The following TLE3 variants were observed in gnomAD, a reference collection of about 807,000 sequenced individuals.
The protein encoded by TLE3 is TLE family member 3, transcriptional corepressor, also known as transducin-like enhancer protein 3.
A neutral mutation model predicts 93.0 loss-of-function variants in TLE3; 14 were observed. The ratio of observed to expected loss-of-function variants is 0.15; its 90% CI spans 0.10 to 0.24. The LOEUF (loss-of-function observed/expected upper bound fraction) is 0.24. TLE3 is among the 10% of genes least tolerant of loss of function. The probability of loss-of-function intolerance (pLI) is 1.00; values close to 1 mark genes in which losing one functional copy is unlikely to be tolerated. For synonymous variants in TLE3, 451 were observed against 425.0 expected, an observed-to-expected ratio of 1.06 and a Z score of -0.75; for missense variants, 693 against 1,046.6, an observed-to-expected ratio of 0.66 and a Z score of 4.66.
At chr15:70,066,828 AG>A (rs1468963681) in intron 6 of TLE3, 1 of 240,310 alleles carries the variant, frequency 4.2e-6, no homozygotes, top group African/African-American at 2.3e-5. Flanking sequence ...TAACTGGAAG[AG>A]TGGAGGCTTT....
intron 12 of TLE3, chr15:70,057,943 TG>T: frequency 1.2e-6 from 1 of 829,996 alleles, no homozygotes; most frequent in South Asian, 1.8e-5. Context: ...TTGGGAGCCC[TG>T]ACCCGTCTGA....
chr15:70,097,087 C>G lies in TLE3; in HGVS notation c.-289G>C. 2.1e-6 allele frequency: 1 copy of G among 483,498 alleles called. No individual in the cohort carries two copies. Among genetic ancestry groups the G allele is most frequent in the South Asian group, 3.7e-5 (1 of 26,796 alleles). 30.0% of individuals were successfully genotyped at this position (483,498 alleles called of 1,614,324 possible). A position where few individuals can be genotyped will look rare whatever the true frequency, so the allele number is the denominator to read the frequency against. The stretch of plus-strand genomic sequence containing the variant: ...TCGGCGGGCAGCGGCCGGCCGCCTT[C>G]CCTGGGCTGCGTCGAGCGCGTCAAT... On this transcript the variant is annotated 5_prime_UTR_variant, in exon 1 of 20. Transcript: ENST00000451782.
At chr15:70,072,133 TG>T (rs1260731370) in intron 6 of TLE3, among the ~76,000 whole-genome samples, 4 of 152,040 alleles carry the variant, frequency 2.6e-5, no homozygotes, top group Non-Finnish European at 5.9e-5. Flanking sequence ...ACCTTGAAAA[TG>T]GGGGTCACAG....
chr15:70,096,246 C>A lies in TLE3; in HGVS notation c.40G>T (p.Gly14Trp). The A allele has an allele frequency of 6.5e-7, 1 of 1,541,908 alleles. No individual in the cohort carries two copies. Residue 14 changes from glycine (G) to tryptophan (W), a missense_variant, in exon 2 of 20, where the codon GGG becomes TGG. Gly to Trp is a radical substitution (Grantham distance 184). Transcript: ENST00000451782. ...ACCGTGAATTTAAATCCCGGCTGCC[C>A]GGGTTGATGGGGAGCCTGGAGCCCG... ...QGRHPAPHQPGQPGFKFTVAE... is the reference protein window; with the variant it reads ...QGRHPAPHQPWQPGFKFTVAE...
chr15:70,057,780 A>G (rs72749654), intron 12 of TLE3, 122 bp from the exon 13 acceptor site: 15,375 of 1,243,032 alleles, frequency 0.012, 121 homozygotes, highest in Middle Eastern at 0.031. Flanking sequence ...GTCCTCTCAG[A>G]CTGAACCCAC....
chr15:70,058,567 T>A lies in TLE3; in HGVS notation c.918+96A>T. On this transcript the variant is annotated intron_variant, in intron 11 of 19. Coordinates refer to ENST00000451782, the MANE Select transcript of TLE3 (RefSeq NM_001105192.3). This position sits in a 1 kb window ranked among gnomAD's most constrained non-coding sequence, Gnocchi z 4.1. ...AACCGGGGCCAATCACCCACCCAGC[T>A]TCTCCCACTCCACCCCTCTGCCTGC... 1 of 1,467,286 alleles carries A rather than the reference T, an allele frequency of 6.8e-7. No homozygotes were observed. Among genetic ancestry groups the A allele is most frequent in the Non-Finnish European group, 9.0e-7 (1 of 1,106,624 alleles). The allele number at this position is 1,467,286 out of a possible 1,614,324, so 90.9% of individuals were successfully genotyped here.
chr15:70,057,314 T>A, intron 13 of TLE3, 145 bp downstream of exon 13: 4 of 979,846 alleles, frequency 4.1e-6, no homozygotes, highest in Non-Finnish European at 5.9e-6. Context: ...AAGTCTCAAT[T>A]GTTTCCGATA....
Position 70,096,992 on chromosome 15 carries a change from G to A in TLE3, c.-194C>T. Reference sequence around the variant, plus strand: ...GCCCCAAGTGGAGACAAAGAGCCGCGGAGCAGGCGGCAAAGTCGTCGGCGG... The same window carrying A: ...GCCCCAAGTGGAGACAAAGAGCCGCAGAGCAGGCGGCAAAGTCGTCGGCGG... On this transcript the variant is annotated 5_prime_UTR_variant, in exon 1 of 20. Coordinates refer to ENST00000451782, the MANE Select transcript of TLE3 (RefSeq NM_001105192.3). The A allele has an allele frequency of 1.6e-6, 1 of 644,162 alleles. No homozygotes were observed. The highest frequency in any genetic ancestry group is 2.0e-5 in the African/African-American group (1 of 50,780). The allele number at this position is 644,162 out of a possible 1,614,324, so 39.9% of individuals were successfully genotyped here.
chr15:70,052,416 G>A lies in TLE3; in HGVS notation c.2083C>T (p.Leu695=), dbSNP rs2055630653. The part of the protein sequence containing the change: ...HTKPDKYQLH[L]HESCVLSLKF... ...AGGGAGAGCACGCAGCTCTCGTGCA[G>A]GTGCAGCTGGTACTTGTCAGGCTTG... Residue 695 remains leucine, a synonymous_variant, in exon 18 of 20, where the codon CTG becomes TTG. Transcript: ENST00000451782. The A allele has an allele frequency of 1.1e-5, 17 of 1,614,036 alleles. No individual in the cohort carries two copies. Among genetic ancestry groups the A allele is most frequent in the Non-Finnish European group, 1.4e-5 (17 of 1,179,936 alleles).
chr15:70,097,814 A>C lies in TLE3; in HGVS notation c.-1016T>G. The C allele has an allele frequency of 6.7e-6, 1 of 149,754 alleles. No individual in the cohort carries two copies. The highest frequency in any genetic ancestry group is 1.1e-5 in the Non-Finnish European group (1 of 94,252). 9.3% of individuals were successfully genotyped at this position (149,754 alleles called of 1,614,324 possible). On this transcript the variant is annotated 5_prime_UTR_variant, in exon 1 of 20. Transcript: ENST00000451782. ...CACGCGCGCACGCACACACACACAC[A>C]CCAAAAAAAAAAGTGCCCCGGACCT...
In TLE3 at chr15:70,072,955, G is replaced by A. The variant is rs141198847; in HGVS notation, c.372+1578C>T. ...CTTCCAGCACTGAACACTTCTTCACGTTCCAGTTTCAAGACTCCTCTCTGC... is the reference window on the plus strand; with the variant it reads ...CTTCCAGCACTGAACACTTCTTCACATTCCAGTTTCAAGACTCCTCTCTGC... On this transcript the variant is annotated intron_variant, in intron 6 of 19. Transcript: ENST00000451782. Among the ~76,000 whole-genome samples the A allele has an allele frequency of 3.9e-5, 6 of 152,232 alleles. No individual in the cohort carries two copies. In the East Asian group the frequency reaches 9.7e-4, roughly 25 times the overall value.
chr15:70,094,148 G>A (rs540223188), intron 4 of TLE3, among the ~76,000 whole-genome samples: 66 of 151,132 alleles, frequency 4.4e-4, no homozygotes, highest in African/African-American at 1.6e-3. Context: ...AAAAAAAAAG[G>A]AGAAAGAAAA....
At position 70,094,594 on chromosome 15, in the gene TLE3, G is replaced by A. The variant is rs1324190447; in HGVS notation, c.190-18C>T. On this transcript the variant is annotated intron_variant, in intron 3 of 19. Coordinates refer to ENST00000451782, the MANE Select transcript of TLE3 (RefSeq NM_001105192.3). ...TCATAGTACTAAAAGTAAAAAGAAT[G>A]GCTATTAACAGACAACACAGAAATC... 3.9e-6 allele frequency: 6 copies of A among 1,526,198 alleles called. No homozygotes were observed. Among genetic ancestry groups the A allele is most frequent in the Non-Finnish European group, 5.3e-6 (6 of 1,134,642 alleles). 94.5% of individuals were successfully genotyped at this position (1,526,198 alleles called of 1,614,324 possible). A position where few individuals can be genotyped will look rare whatever the true frequency, so the allele number is the denominator to read the frequency against.
At chr15:70,074,504 G>T (rs760426789) in intron 6 of TLE3, 29 bp downstream of exon 6, 2 of 1,603,778 alleles carry the variant, frequency 1.2e-6, no homozygotes, top group Admixed American at 3.4e-5. Context: ...TATACACACG[G>T]TAAGAGGCAG....
chr15:70,059,833 C>T (rs1480678120), intron 9 of TLE3, among the ~76,000 whole-genome samples: 6 of 152,238 alleles, frequency 3.9e-5, no homozygotes, highest in Non-Finnish European at 7.3e-5. Context: ...AGTCAGTGTG[C>T]TGCTCTCACC....
At chr15:70,055,382 G>A in intron 14 of TLE3, 84 bp from the exon 15 acceptor site, 2 of 1,497,930 alleles carry the variant, frequency 1.3e-6, no homozygotes, top group Admixed American at 4.4e-5. Flanking sequence ...CATCTGCACT[G>A]CCCCCGACTG....
chr15:70,083,963 G>A (rs1371566793), intron 4 of TLE3, among the ~76,000 whole-genome samples: 1 of 152,216 alleles, frequency 6.6e-6, no homozygotes, highest in Non-Finnish European at 1.5e-5. Flanking sequence ...AAGGGTTAGA[G>A]GGTCTTCTTT....
chr15:70,057,864 C>A, intron 12 of TLE3: 1 of 737,524 alleles, frequency 1.4e-6, no homozygotes, highest in Non-Finnish European at 2.2e-6. Context: ...TTTTACAGAG[C>A]AGGATATGGA....
At chr15:70,070,026 G>T (rs1170594329) in intron 6 of TLE3, among the ~76,000 whole-genome samples, 3 of 152,236 alleles carry the variant, frequency 2.0e-5, no homozygotes, top group Non-Finnish European at 4.4e-5. Flanking sequence ...CACAATCAGA[G>T]ACCGCCTGTC....
Sources: gnomAD v4.1 joint callset for allele counts (sites outside exome capture counted in the v4.1 genomes callset) on GRCh38, gnomAD v4.1.1 for gene constraint, Gnocchi (gnomAD v3.1) non-coding constraint, MANE v1.5 for transcripts, NCBI Gene and HGNC (gene_info 2026-07-23, HGNC 2026-07-21) for gene names.